The following GRHL2 variants were observed in gnomAD, a reference collection of about 807,000 sequenced individuals.
GRHL2 encodes grainyhead like transcription factor 2, also known as grainyhead-like protein 2 homolog.
GRHL2 carries 21 observed loss-of-function variants against 83.8 expected under a neutral mutation model. The observed-to-expected ratio is 0.25, with a 90% CI of 0.18 to 0.36. GRHL2 has a LOEUF of 0.36. Ranked by LOEUF, GRHL2 falls within the 10% of genes least tolerant of loss-of-function variation. The probability of loss-of-function intolerance (pLI) is 1.00; values close to 1 mark genes in which losing one functional copy is unlikely to be tolerated. For synonymous variants in GRHL2, 280 were observed against 278.9 expected (o/e 1.00, Z -0.04); for missense variants, 623 against 781.8 (o/e 0.80, Z 2.42).
chr8:101,555,154 A>G (rs955019029), intron 3 of GRHL2, among the ~76,000 whole-genome samples: 3 of 152,232 alleles, frequency 2.0e-5, no homozygotes, highest in East Asian at 3.8e-4. Flanking sequence ...ACTATACAGA[A>G]GTTGGTTAAC....
chr8:101,569,600 G>C (rs990203775), intron 4 of GRHL2, among the ~76,000 whole-genome samples: 15 of 152,114 alleles, frequency 9.9e-5, no homozygotes, highest in African/African-American at 3.6e-4. Flanking sequence ...TTTCTGGGTA[G>C]CTGGGACTAC....
chr8:101,552,254 A>G (rs2130153831), intron 2 of GRHL2, among the ~76,000 whole-genome samples: 1 of 152,320 alleles, frequency 6.6e-6, no homozygotes, highest in South Asian at 2.1e-4. Flanking sequence ...CCCGTGCCTA[A>G]GCACTCCCAA....
intron 8 of GRHL2, among the ~76,000 whole-genome samples, chr8:101,608,915 G>T (rs1039371735): frequency 1.3e-5 from 2 of 150,194 alleles, no homozygotes; most frequent in African/African-American, 5.0e-5. Flanking sequence ...GTTGGAAGAA[G>T]AGTGTATGGT....
intron 14 of GRHL2, among the ~76,000 whole-genome samples, chr8:101,651,912 G>A (rs955339378): frequency 2.0e-5 from 3 of 152,222 alleles, no homozygotes; most frequent in African/African-American, 4.8e-5. Context: ...ATGCAAATGG[G>A]AAAGCTGTGC....
chr8:101,621,628 G>T (rs1812967975), intron 9 of GRHL2, among the ~76,000 whole-genome samples: 1 of 152,158 alleles, frequency 6.6e-6, no homozygotes, highest in South Asian at 2.1e-4. Context: ...CAGGTGCGTG[G>T]CTCACACCTG....
At chr8:101,655,872 T>C (rs957036417) in intron 14 of GRHL2, among the ~76,000 whole-genome samples, 6 of 152,208 alleles carry the variant, frequency 3.9e-5, no homozygotes, top group African/African-American at 1.4e-4. Context: ...GATTTTTACC[T>C]AGTAATCTTG....
intron 1 of GRHL2, among the ~76,000 whole-genome samples, chr8:101,537,914 T>C (rs946471600): frequency 6.6e-6 from 1 of 152,228 alleles, no homozygotes; most frequent in Non-Finnish European, 1.5e-5. Context: ...TTTTCTTTTT[T>C]AAAAAAATTT....
At position 101,593,640 on chromosome 8, in the gene GRHL2, T is replaced by C. The variant is rs534441102; in HGVS notation, c.1004-5417T>C. Among the ~76,000 whole-genome samples, 4 of 152,228 alleles carry C rather than the reference T, an allele frequency of 2.6e-5. No individual in the cohort carries two copies. The East Asian group carries it at 7.7e-4, about 29-fold the overall frequency. On this transcript the variant is annotated intron_variant, in intron 7 of 15. Transcript: ENST00000646743. ...GACCCTCAAAAATGATATGTCCTCG[T>C]CCTAACTCCCAGAACCTGTAAATAT...
chr8:101,676,462 G>A, the GRHL2 span, among the ~76,000 whole-genome samples: 1 of 152,162 alleles, frequency 6.6e-6, no homozygotes, highest in Non-Finnish European at 1.5e-5. Context: ...ATGAAAAAAT[G>A]CTCAACATCA....
At position 101,666,841 on chromosome 8, in the gene GRHL2, G is replaced by C; in HGVS notation, c.*138G>C. ...GTTACAAGACCGTGCTGGGGAGTGG[G>C]GCAAGGGACAGGCCCCACTGTCGGT... On this transcript the variant is annotated 3_prime_UTR_variant, in exon 16 of 16. Coordinates refer to ENST00000646743, the MANE Select transcript of GRHL2 (RefSeq NM_024915.4). 1 of 710,646 alleles carries C rather than the reference G, an allele frequency of 1.4e-6. No homozygotes were observed. Among genetic ancestry groups the C allele is most frequent in the Non-Finnish European group, 2.6e-6 (1 of 387,208 alleles). The allele number at this position is 710,646 out of a possible 1,614,324, so 44.0% of individuals were successfully genotyped here. A position where few individuals can be genotyped will look rare whatever the true frequency, so the allele number is the denominator to read the frequency against.
chr8:101,592,856 A>AT (rs531674689), intron 7 of GRHL2, among the ~76,000 whole-genome samples: 27 of 152,320 alleles, frequency 1.8e-4, no homozygotes, highest in South Asian at 6.2e-4. Context: ...CATTTTGGCT[A>AT]TATCTCTGGC....
chr8:101,581,779 T>C (rs1812057447), intron 7 of GRHL2, among the ~76,000 whole-genome samples: 1 of 152,190 alleles, frequency 6.6e-6, no homozygotes, highest in South Asian at 2.1e-4. Flanking sequence ...AGAAGATGAC[T>C]AGCTAAGATA....
intron 13 of GRHL2, among the ~76,000 whole-genome samples, chr8:101,646,731 T>C (rs1813518661): frequency 6.6e-6 from 1 of 152,236 alleles, no homozygotes; most frequent in South Asian, 2.1e-4. Flanking sequence ...GGGCTGCCCA[T>C]GTGGCCACCT....
intron 7 of GRHL2, among the ~76,000 whole-genome samples, chr8:101,588,607 T>G (rs900211221): frequency 6.6e-6 from 1 of 152,210 alleles, no homozygotes; most frequent in Non-Finnish European, 1.5e-5. Context: ...TGAACATTTA[T>G]CTTACTGTAT....
intron 1 of GRHL2, among the ~76,000 whole-genome samples, chr8:101,493,725 C>T (rs947261712): frequency 2.0e-5 from 3 of 151,980 alleles, no homozygotes; most frequent in African/African-American, 4.8e-5. Context: ...CCGTCAAGGC[C>T]GAGGGCTCGG....
At chr8:101,645,172 T>C (rs1032898726) in intron 13 of GRHL2, among the ~76,000 whole-genome samples, 2 of 141,598 alleles carry the variant, frequency 1.4e-5, no homozygotes, top group African/African-American at 5.3e-5. Flanking sequence ...CTTGCTCTGT[T>C]GCCAGGCTAA....
At chr8:101,507,690 A>G (rs1810368518) in intron 1 of GRHL2, among the ~76,000 whole-genome samples, 1 of 151,950 alleles carries the variant, frequency 6.6e-6, no homozygotes, top group Non-Finnish European at 1.5e-5. Flanking sequence ...AAAATATCCA[A>G]ATTAACCATT....
In GRHL2 at chr8:101,644,456, C is replaced by T. The variant is rs113837331; in HGVS notation, c.1612+231C>T. Among the ~76,000 whole-genome samples, 1,931 of 152,276 alleles carry T rather than the reference C, an allele frequency of 0.013. 48 individuals carry two copies. Among genetic ancestry groups the T allele is most frequent in the African/African-American group, 0.044 (1,830 of 41,554 alleles). On this transcript the variant is annotated intron_variant, in intron 13 of 15. Coordinates refer to ENST00000646743, the MANE Select transcript of GRHL2 (RefSeq NM_024915.4). ...GGTTCTTTCCTTTGCCTTGGGAGAA[C>T]GTAATGAATAAACAGACTCATCCAG...
intron 1 of GRHL2, among the ~76,000 whole-genome samples, chr8:101,493,713 C>T (rs1810025817): frequency 6.6e-6 from 1 of 152,050 alleles, no homozygotes; most frequent in Non-Finnish European, 1.5e-5. Context: ...GGGGTGCTCT[C>T]GCCGTCAAGG....
Sources: allele counts gnomAD v4.1 joint callset (sites outside exome capture counted in the v4.1 genomes callset), GRCh38; gene constraint gnomAD v4.1.1; transcripts MANE v1.5; gene names NCBI Gene and HGNC (gene_info 2026-07-23, HGNC 2026-07-21).